NCOR2: variants seen among roughly 807,000 people sequenced by gnomAD.
The protein encoded by NCOR2 is nuclear receptor corepressor 2, also known as CTG repeat protein 26.
NCOR2 carries 81 observed loss-of-function variants against 262.9 expected under a neutral mutation model. That is an observed-to-expected ratio of 0.31 (90% CI 0.26 to 0.37). The LOEUF (loss-of-function observed/expected upper bound fraction) is 0.37, where lower values mean the gene tolerates loss of function less well. NCOR2 is among the 10% of genes least tolerant of loss of function. The pLI, the probability that NCOR2 is intolerant of heterozygous loss-of-function variation, is 1.00. For synonymous variants in NCOR2, 1,659 were observed against 1,559.3 expected, an observed-to-expected ratio of 1.06 and a Z score of -1.51; for missense variants, 3,385 against 3,621.4, an observed-to-expected ratio of 0.93 and a Z score of 1.68.
chr12:124,429,667 G>T (rs761578127), exon 10 of NCOR2: 21 of 1,609,334 alleles, frequency 1.3e-5, no homozygotes, highest in Non-Finnish European at 1.8e-5. Flanking sequence ...CGCTGCGGGC[G>T]GCCGACATGG....
intron 22 of NCOR2, among the ~76,000 whole-genome samples, chr12:124,357,448 C>T (rs1189969339): frequency 1.3e-5 from 2 of 152,188 alleles, no homozygotes; most frequent in African/African-American, 4.8e-5. Flanking sequence ...GTCACCACAC[C>T]ATGCTTGGCT....
rs567028741 is a variant in NCOR2, at chr12:124,432,736, A to G, written c.883-1949T>C. On this transcript the variant is annotated intron_variant, in intron 8 of 46. Coordinates refer to ENST00000405201, the Ensembl canonical transcript of NCOR2. The surrounding 1 kb of genome is among the most constrained non-coding windows in gnomAD (Gnocchi z 5.1). ...CTCTGCCTTCCCTCCAAGACAAGGAAGTCCCTCTCCACATCTAACCACAGT... is the reference window on the plus strand; with the variant it reads ...CTCTGCCTTCCCTCCAAGACAAGGAGGTCCCTCTCCACATCTAACCACAGT... Among the ~76,000 whole-genome samples, 3 of 152,258 alleles carry G rather than the reference A, an allele frequency of 2.0e-5. No individual in the cohort carries two copies. Among genetic ancestry groups the G allele is most frequent in the African/African-American group, 7.2e-5 (3 of 41,554 alleles).
At chr12:124,552,871 CA>C (rs570060160) in intron 1 of NCOR2, among the ~76,000 whole-genome samples, 5 of 152,130 alleles carry the variant, frequency 3.3e-5, no homozygotes, top group East Asian at 3.9e-4. Context: ...TTTATAGAGA[CA>C]GGGGGTCCCA....
chr12:124,522,924 T>C (rs2050265365), intron 1 of NCOR2, among the ~76,000 whole-genome samples: 1 of 152,172 alleles, frequency 6.6e-6, no homozygotes. Context: ...TCCCCTTCCC[T>C]GTGGCAGGCA....
In NCOR2 at chr12:124,504,749, G is replaced by A. The variant is rs991960003; in HGVS notation, c.-117-9381C>T. On this transcript the variant is annotated intron_variant, in intron 1 of 46. Transcript: ENST00000404621. The surrounding 1 kb of genome is among the most constrained non-coding windows in gnomAD (Gnocchi z 4.5). The stretch of plus-strand genomic sequence containing the variant: ...AGCCACAACGCAGGTGAGCCCTGAA[G>A]ACATGGCACAAAAGGCAAAGAAGCC... Among the ~76,000 whole-genome samples the A allele has an allele frequency of 2.0e-5, 3 of 152,220 alleles. No individual in the cohort carries two copies. The highest frequency in any genetic ancestry group is 7.2e-5 in the African/African-American group (3 of 41,460).
At chr12:124,330,368 C>T (rs764603256) in intron 44 of NCOR2, among the ~76,000 whole-genome samples, 5 of 152,262 alleles carry the variant, frequency 3.3e-5, no homozygotes, top group Non-Finnish European at 7.3e-5. Flanking sequence ...GTCAATTTTA[C>T]ACCTATCTCT....
chr12:124,449,976 AGGG>A, intron 6 of NCOR2, 109 bp from the exon 9 acceptor site: 2 of 1,139,584 alleles, frequency 1.8e-6, no homozygotes, highest in East Asian at 4.9e-5. Context: ...CCTCTGGGTG[AGGG>A]CTCAGCCGCA....
At chr12:124,351,722 G>T (rs1215063749) in intron 27 of NCOR2, among the ~76,000 whole-genome samples, 3 of 145,062 alleles carry the variant, frequency 2.1e-5, no homozygotes, top group Non-Finnish European at 4.5e-5. Context: ...GCTGCCGTGG[G>T]ACCTCCTTTC....
chr12:124,342,072 C>T (rs756364272), exon 34 of NCOR2: 6 of 1,605,880 alleles, frequency 3.7e-6, no homozygotes, highest in East Asian at 2.2e-5. Context: ...TAGTAGGCAG[C>T]GGCTGCGGGG....
chr12:124,330,555 A>G (rs1249745196), intron 44 of NCOR2, among the ~76,000 whole-genome samples: 3 of 152,218 alleles, frequency 2.0e-5, no homozygotes. Flanking sequence ...GCTGGCGAAG[A>G]AGCAAGGTGA....
chr12:124,393,351 G>C (rs1174044299), intron 16 of NCOR2, among the ~76,000 whole-genome samples: 1 of 152,218 alleles, frequency 6.6e-6, no homozygotes, highest in Non-Finnish European at 1.5e-5. Context: ...ACAAGCCCCA[G>C]GGCAGGCAGC....
chr12:124,402,613 G>T, intron 13 of NCOR2, 52 bp from the exon 16 acceptor site: 1 of 1,542,528 alleles, frequency 6.5e-7, no homozygotes, highest in Non-Finnish European at 8.7e-7. Flanking sequence ...AGAAAACCGT[G>T]AACAGGTGAA....
chr12:124,350,876 G>T (rs1395275454), intron 27 of NCOR2, 139 bp from the exon 30 acceptor site: 9 of 902,920 alleles, frequency 1.0e-5, no homozygotes, highest in African/African-American at 1.7e-5. Context: ...TCTCAAATAG[G>T]TAAGAGTTTG....
chr12:124,345,446 A>G (rs145178941), intron 31 of NCOR2, among the ~76,000 whole-genome samples: 2 of 152,240 alleles, frequency 1.3e-5, no homozygotes, highest in East Asian at 3.9e-4. Context: ...GACAGAAAGG[A>G]TGGTGAGGAA....
At position 124,430,607 on chromosome 12, in the gene NCOR2, C is replaced by T. The variant is rs1278405013; in HGVS notation, c.1055+8G>A. 2.5e-6 allele frequency: 4 copies of T among 1,606,122 alleles called. No individual in the cohort carries two copies. The African/African-American group carries it at 4.0e-5, about 16-fold the overall frequency. On this transcript the variant is annotated splice_region_variant and intron_variant, in intron 9 of 46. Coordinates refer to ENST00000405201, the Ensembl canonical transcript of NCOR2. ...ACGTCGGGGGCCCTGGGCTCAGGCCCCGCTCACCTCTGCATGCGCTCCTGC... is the reference window on the plus strand; with the variant it reads ...ACGTCGGGGGCCCTGGGCTCAGGCCTCGCTCACCTCTGCATGCGCTCCTGC...
exon 25 of NCOR2, chr12:124,354,868 C>T: frequency 3.1e-6 from 5 of 1,612,702 alleles, no homozygotes; most frequent in Admixed American, 1.7e-5. Context: ...GCAGGGGCAG[C>T]CCCATGGTGA....
intron 5 of NCOR2, among the ~76,000 whole-genome samples, chr12:124,463,830 G>A (rs1313191592): frequency 6.6e-6 from 1 of 152,124 alleles, no homozygotes; most frequent in African/African-American, 2.4e-5. Flanking sequence ...ATCCCCACCA[G>A]CCCCCACGCC....
chr12:124,430,484 A>T, intron 9 of NCOR2, 131 bp downstream of exon 11: 1 of 1,080,608 alleles, frequency 9.3e-7, no homozygotes, highest in Non-Finnish European at 1.3e-6. Flanking sequence ...AGGGTCTGGT[A>T]GGGCCCTGGC....
In NCOR2 at chr12:124,334,406, C is replaced by T; in HGVS notation, c.6605+18G>A. ...CCCGCCGGCTGACCAGCAAGAGGCA[C>T]CCCCATCCCTCGCTCACCTCTTGCC... On this transcript the variant is annotated intron_variant, in intron 41 of 46. Transcript: ENST00000405201. 2 of 1,519,396 alleles carry T rather than the reference C, an allele frequency of 1.3e-6. No individual in the cohort carries two copies. The highest frequency in any genetic ancestry group is 1.8e-6 in the Non-Finnish European group (2 of 1,132,942). 94.1% of individuals were successfully genotyped at this position (1,519,396 alleles called of 1,614,324 possible). A position where few individuals can be genotyped will look rare whatever the true frequency, so the allele number is the denominator to read the frequency against.
Sources: allele counts gnomAD v4.1 joint callset (sites outside exome capture counted in the v4.1 genomes callset), GRCh38; gene constraint gnomAD v4.1.1; non-coding constraint Gnocchi (gnomAD v3.1); transcripts MANE v1.5; gene names NCBI Gene and HGNC (gene_info 2026-07-23, HGNC 2026-07-21).